The following FIGN variants were observed in gnomAD, a reference collection of about 807,000 sequenced individuals.
The protein encoded by FIGN is fidgetin.
A neutral mutation model predicts 51.3 loss-of-function variants in FIGN; 11 were observed. The observed-to-expected ratio is 0.21, with a 90% CI of 0.13 to 0.35. FIGN has a LOEUF of 0.35. Among genes scored for constraint, FIGN ranks in the 10% least tolerant of loss-of-function variants. The pLI, the probability that FIGN is intolerant of heterozygous loss-of-function variation, is 1.00. For missense variants in FIGN, 857 were observed against 943.6 expected (o/e 0.91, Z 1.20); for synonymous variants, 407 against 363.2 (o/e 1.12, Z -1.37).
At chr2:163,676,369 G>A (rs989657236) in intron 2 of FIGN, among the ~76,000 whole-genome samples, 13 of 139,458 alleles carry the variant, frequency 9.3e-5, no homozygotes, top group Non-Finnish European at 1.4e-4. Context: ...ATGTTTATTC[G>A]TACAAAATGT....
chr2:163,651,885 T>C (rs908228235), intron 2 of FIGN, among the ~76,000 whole-genome samples: 2 of 152,238 alleles, frequency 1.3e-5, no homozygotes, highest in Non-Finnish European at 2.9e-5. Flanking sequence ...AGTTTCTAAA[T>C]GCCAATTTTA....
chr2:163,726,458 T>C (rs1413195895), intron 2 of FIGN, among the ~76,000 whole-genome samples: 1 of 152,126 alleles, frequency 6.6e-6, no homozygotes, highest in African/African-American at 2.4e-5. Context: ...ATGGTGATTA[T>C]TCTTAACAAG....
intron 2 of FIGN, among the ~76,000 whole-genome samples, chr2:163,734,633 A>G (rs1051561063): frequency 2.0e-5 from 3 of 151,462 alleles, no homozygotes; most frequent in South Asian, 4.2e-4. Flanking sequence ...TTATATATAT[A>G]TAGTGCATTA....
At chr2:163,648,018 A>G (rs1212859222) in intron 2 of FIGN, among the ~76,000 whole-genome samples, 2 of 152,166 alleles carry the variant, frequency 1.3e-5, no homozygotes, top group South Asian at 2.1e-4. Flanking sequence ...ACATACAGAC[A>G]TAGACACCCA....
rs1203928248 is a variant in FIGN at position 163,611,365 on chromosome 2, C to T, written c.467G>A (p.Ser156Asn). ...TGAATAACTAGGTTCTGTCAGGTTG[C>T]TGGCTACCCCAGGAGAGCTTCCTAT... ...ASIGSSPGVA[S>N]NLTEPSYSSS... The change falls in exon 3 of 3, where the codon AGC (serine) becomes AAC (asparagine). Residue 156 changes from serine (S) to asparagine (N), a missense_variant. Ser to Asn is a conservative substitution (Grantham distance 46, BLOSUM62 1). Around this residue, in one of 3 missense-constraint regions of FIGN, gnomAD observed 799 missense variants for 849.5 expected, o/e 0.94. Coordinates refer to ENST00000333129, the MANE Select transcript of FIGN (RefSeq NM_018086.4). The T allele has an allele frequency of 6.2e-7, 1 of 1,614,040 alleles. No homozygotes were observed. The highest frequency in any genetic ancestry group is 1.3e-5 in the African/African-American group (1 of 74,926).
chr2:163,714,746 CACCTAAAG>C, intron 2 of FIGN, among the ~76,000 whole-genome samples: 1 of 152,234 alleles, frequency 6.6e-6, no homozygotes, highest in Non-Finnish European at 1.5e-5. Context: ...AAATTTATCT[CACCTAAAG>C]CAGCTTCTTG....
intron 2 of FIGN, among the ~76,000 whole-genome samples, chr2:163,677,538 G>C (rs774003909): frequency 1.3e-5 from 2 of 152,134 alleles, no homozygotes; most frequent in African/African-American, 4.8e-5. Flanking sequence ...AGCCACATGA[G>C]GCTAGTGGCT....
At chr2:163,699,082 C>A (rs951857490) in intron 2 of FIGN, among the ~76,000 whole-genome samples, 1 of 151,996 alleles carries the variant, frequency 6.6e-6, no homozygotes, top group Admixed American at 6.6e-5. Flanking sequence ...CACAAGGAAC[C>A]CTACAGGAAT....
rs773842977 is a variant in FIGN, at chr2:163,603,635, T to C, written c.*5917A>G. On this transcript the variant is annotated 3_prime_UTR_variant, in exon 3 of 3. Transcript: ENST00000333129. ...CACTTTGTTAATGAAACTTAAAGAA[T>C]AGATTGTCAGGCATACCGGAGTTTC... 1.3e-5 allele frequency: 2 copies of C among 152,146 alleles called. No homozygotes were observed. Among genetic ancestry groups the C allele is most frequent in the Admixed American group, 6.6e-5 (1 of 15,254 alleles). The allele number at this position is 152,146 out of a possible 1,614,324, so 9.4% of individuals were successfully genotyped here.
At chr2:163,667,480 C>A (rs1431397035) in intron 2 of FIGN, among the ~76,000 whole-genome samples, 4 of 152,166 alleles carry the variant, frequency 2.6e-5, no homozygotes, top group African/African-American at 9.7e-5. Flanking sequence ...CTGTCCAAGG[C>A]CTGCATTTCC....
At chr2:163,612,693 T>G (rs1278671848) in intron 2 of FIGN, 5 of 168,636 alleles carry the variant, frequency 3.0e-5, no homozygotes, top group Non-Finnish European at 3.5e-5. Context: ...GAGGGGAGAA[T>G]GTGTGTGTGT....
intron 2 of FIGN, among the ~76,000 whole-genome samples, chr2:163,656,659 A>G (rs529324610): frequency 2.0e-5 from 3 of 152,180 alleles, no homozygotes; most frequent in Non-Finnish European, 4.4e-5. Flanking sequence ...AAGCTAAGCT[A>G]CTAAATGATT....
chr2:163,646,249 C>T (rs1683379427), intron 2 of FIGN, among the ~76,000 whole-genome samples: 2 of 151,926 alleles, frequency 1.3e-5, no homozygotes, highest in African/African-American at 4.8e-5. Flanking sequence ...CTATTGCATC[C>T]CTTTTTTTTT....
chr2:163,622,397 A>G (rs996162658), intron 2 of FIGN, among the ~76,000 whole-genome samples: 10 of 152,048 alleles, frequency 6.6e-5, no homozygotes, highest in Non-Finnish European at 1.2e-4. Flanking sequence ...AGGCATAAAG[A>G]TGTTGTTACT....
intron 2 of FIGN, among the ~76,000 whole-genome samples, chr2:163,719,018 T>C (rs1684713620): frequency 6.6e-6 from 1 of 152,172 alleles, no homozygotes; most frequent in Admixed American, 6.5e-5. Context: ...AATCATTGCC[T>C]GTCAATATCT....
At chr2:163,704,378 C>T (rs754081179) in intron 2 of FIGN, among the ~76,000 whole-genome samples, 8 of 152,076 alleles carry the variant, frequency 5.3e-5, no homozygotes, top group Middle Eastern at 3.4e-3. Context: ...GATGATGACA[C>T]GTCAGTTTCA....
chr2:163,660,742 TATATGTATAC>T (rs1683644804), intron 2 of FIGN, among the ~76,000 whole-genome samples: 3 of 111,082 alleles, frequency 2.7e-5, no homozygotes, highest in Admixed American at 1.1e-4. Flanking sequence ...CATATACATA[TATATGTATAC>T]ACATATACAT....
At chr2:163,637,211 CA>C (rs1187100236) in intron 2 of FIGN, among the ~76,000 whole-genome samples, 1 of 152,126 alleles carries the variant, frequency 6.6e-6, no homozygotes, top group Non-Finnish European at 1.5e-5. Context: ...GCAACAGTAG[CA>C]ATCTAATTAC....
intron 2 of FIGN, among the ~76,000 whole-genome samples, chr2:163,663,567 C>G (rs970503817): frequency 4.0e-5 from 6 of 151,668 alleles, no homozygotes; most frequent in Non-Finnish European, 8.8e-5. Context: ...CTCCCAACCT[C>G]AGGTGATCTG....
Sources: gnomAD v4.1 joint callset for allele counts (sites outside exome capture counted in the v4.1 genomes callset) on GRCh38, gnomAD v4.1.1 for gene constraint, gnomAD v4.1.1 regional missense constraint, MANE v1.5 for transcripts, NCBI Gene and HGNC (gene_info 2026-07-23, HGNC 2026-07-21) for gene names.